The following HDAC9 variants were observed in gnomAD, a reference collection of about 807,000 sequenced individuals.
The protein encoded by HDAC9 is MEF-2 interacting transcription repressor (MITR) protein.
HDAC9 carries 41 observed loss-of-function variants against 139.4 expected under a neutral mutation model. The ratio of observed to expected loss-of-function variants is 0.29; its 90% CI spans 0.23 to 0.38. The LOEUF (loss-of-function observed/expected upper bound fraction) is 0.38, where lower values mean the gene tolerates loss of function less well. HDAC9 is among the 10% of genes least tolerant of loss of function. The probability of loss-of-function intolerance (pLI) is 1.00; values close to 1 mark genes in which losing one functional copy is unlikely to be tolerated. For synonymous variants in HDAC9, 517 were observed against 476.2 expected (o/e 1.09, Z -1.12); for missense variants, 1,147 against 1,297.0 (o/e 0.88, Z 1.78).
intron 25 of HDAC9, among the ~76,000 whole-genome samples, chr7:18,989,444 C>T (rs1359903500): frequency 6.6e-6 from 1 of 151,684 alleles, no homozygotes; most frequent in Non-Finnish European, 1.5e-5. Flanking sequence ...GATGGGCTTC[C>T]CTTTGAGGGT....
At chr7:18,322,482 G>A (rs376492043) in intron 1 of HDAC9, among the ~76,000 whole-genome samples, 3 of 152,112 alleles carry the variant, frequency 2.0e-5, no homozygotes, top group East Asian at 1.9e-4. Context: ...AACTTTCAAG[G>A]CTTACTTAAT....
intron 22 of HDAC9, among the ~76,000 whole-genome samples, chr7:18,885,679 T>G (rs1412534392): frequency 6.6e-6 from 1 of 152,204 alleles, no homozygotes; most frequent in Admixed American, 6.5e-5. Context: ...CTCAAATAAA[T>G]ATGTACGCAC....
At chr7:18,650,065 A>C (rs1398426066) in intron 11 of HDAC9, among the ~76,000 whole-genome samples, 1 of 152,122 alleles carries the variant, frequency 6.6e-6, no homozygotes, top group African/African-American at 2.4e-5. Flanking sequence ...GAGAGAGCCA[A>C]TTTCCTTCTC....
chr7:18,440,377 G>T (rs902230116), intron 1 of HDAC9, among the ~76,000 whole-genome samples: 2 of 151,634 alleles, frequency 1.3e-5, no homozygotes, highest in Non-Finnish European at 2.9e-5. Context: ...TAGAGGCGGG[G>T]TTTCTCCATG....
intron 24 of HDAC9, among the ~76,000 whole-genome samples, chr7:18,962,084 C>T (rs1166643407): frequency 6.6e-6 from 1 of 152,182 alleles, no homozygotes; most frequent in Admixed American, 6.6e-5. Context: ...TGTGCGTCCA[C>T]TTTTGAGCCC....
chr7:18,434,470 G>T (rs1345576545), intron 1 of HDAC9, among the ~76,000 whole-genome samples: 1 of 152,012 alleles, frequency 6.6e-6, no homozygotes, highest in African/African-American at 2.4e-5. Flanking sequence ...AACAGACATG[G>T]GAGAAAATAT....
chr7:18,266,980 A>T (rs140425494), intron 2 of HDAC9, among the ~76,000 whole-genome samples: 1 of 152,192 alleles, frequency 6.6e-6, no homozygotes, highest in African/African-American at 2.4e-5. Flanking sequence ...AAATTACAAA[A>T]ATCACATATT....
intron 1 of HDAC9, among the ~76,000 whole-genome samples, chr7:18,414,401 T>G (rs551757879): frequency 2.0e-5 from 3 of 152,234 alleles, no homozygotes; most frequent in African/African-American, 7.2e-5. Flanking sequence ...CTTTTTTTTT[T>G]TTGCATTGGC....
chr7:18,245,043 T>C (rs1390395647), intron 2 of HDAC9, among the ~76,000 whole-genome samples: 3 of 62,168 alleles, frequency 4.8e-5, no homozygotes, highest in Non-Finnish European at 1.1e-4. Context: ...TCCAAGCTTA[T>C]TCAGTTCTAG....
intron 13 of HDAC9, among the ~76,000 whole-genome samples, chr7:18,738,817 G>A (rs1032156838): frequency 6.6e-6 from 1 of 152,162 alleles, no homozygotes; most frequent in Non-Finnish European, 1.5e-5. Context: ...GCCTTGTGAG[G>A]TTGGGGATGT....
chr7:18,963,333 G>A lies in HDAC9; in HGVS notation c.3022+9103G>A, dbSNP rs920107946. On this transcript the variant is annotated intron_variant, in intron 24 of 25. Transcript: ENST00000686413. ...GAGTTTTGATCTTTGTCCACTCCTG[G>A]GTTCAGGAGGAAGCCAGTAAAATTC... 2.6e-5 allele frequency among the ~76,000 whole-genome samples: 4 copies of A among 152,120 alleles called. No individual in the cohort carries two copies. In the East Asian group the frequency reaches 7.7e-4, roughly 29 times the overall value.
intron 2 of HDAC9, among the ~76,000 whole-genome samples, chr7:18,203,151 T>C (rs1245659962): frequency 7.2e-5 from 11 of 152,156 alleles, no homozygotes; most frequent in Non-Finnish European, 1.6e-4. Flanking sequence ...TAAAAAGATA[T>C]TGTCTGAGGT....
intron 17 of HDAC9, among the ~76,000 whole-genome samples, chr7:18,824,057 G>T (rs192959053): frequency 1.2e-4 from 17 of 147,420 alleles, no homozygotes; most frequent in Admixed American, 4.0e-4. Context: ...AGAAGAAGAA[G>T]AAGAAGAAGA....
At chr7:18,644,925 A>G (rs1786894238) in intron 9 of HDAC9, 132 bp downstream of exon 9, 10 of 829,758 alleles carry the variant, frequency 1.2e-5, no homozygotes, top group Middle Eastern at 2.3e-4. Flanking sequence ...ACTGTTTGCT[A>G]TTTGCTGTGT....
intron 11 of HDAC9, among the ~76,000 whole-genome samples, chr7:18,663,136 C>G (rs1793730305): frequency 6.6e-6 from 1 of 151,976 alleles, no homozygotes; most frequent in Admixed American, 6.6e-5. Flanking sequence ...TGGAGTCAGA[C>G]TATTCTGAGA....
At chr7:18,456,312 C>T (rs920289459) in intron 1 of HDAC9, among the ~76,000 whole-genome samples, 4 of 152,122 alleles carry the variant, frequency 2.6e-5, no homozygotes, top group Non-Finnish European at 4.4e-5. Context: ...TCTCCACTCA[C>T]TGCAAACTCC....
At chr7:18,119,608 G>C (rs1476987539) in intron 1 of HDAC9, among the ~76,000 whole-genome samples, 1 of 152,172 alleles carries the variant, frequency 6.6e-6, no homozygotes, top group Non-Finnish European at 1.5e-5. Flanking sequence ...GTTGATCAGA[G>C]GGATTTAATG....
At chr7:18,522,594 TA>T (rs894495005) in intron 2 of HDAC9, among the ~76,000 whole-genome samples, 1 of 146,316 alleles carries the variant, frequency 6.8e-6, no homozygotes, top group Admixed American at 6.8e-5. Context: ...GTGGTTTTTT[TA>T]AAAAAAACAA....
At chr7:18,514,174 A>T (rs918795897) in intron 2 of HDAC9, among the ~76,000 whole-genome samples, 1 of 152,176 alleles carries the variant, frequency 6.6e-6, no homozygotes, top group African/African-American at 2.4e-5. Context: ...ATGCATATAC[A>T]ATGTATGTAT....
Sources: gnomAD v4.1 joint callset for allele counts (sites outside exome capture counted in the v4.1 genomes callset) on GRCh38, gnomAD v4.1.1 for gene constraint, MANE v1.5 for transcripts, NCBI Gene and HGNC (gene_info 2026-07-23, HGNC 2026-07-21) for gene names.